The following RNF152 variants were observed in gnomAD, a reference collection of about 807,000 sequenced individuals.
The protein encoded by RNF152 is E3 ubiquitin-protein ligase RNF152.
RNF152 carries 11 observed loss-of-function variants against 12.7 expected under a neutral mutation model. That is an observed-to-expected ratio of 0.86 (90% confidence interval 0.54 to 1.43). RNF152 has a LOEUF of 1.43. Among genes scored for constraint, RNF152 ranks in the 40% most tolerant of loss-of-function variants. The pLI, the probability that RNF152 is intolerant of heterozygous loss-of-function variation, is 0.00. For synonymous variants in RNF152, 113 were observed against 120.3 expected, an observed-to-expected ratio of 0.94 and a Z score of 0.40; for missense variants, 255 against 274.8, an observed-to-expected ratio of 0.93 and a Z score of 0.51.
At chr18:61,817,645 T>A (rs1175060775) in intron 1 of RNF152, among the ~76,000 whole-genome samples, 1 of 151,670 alleles carries the variant, frequency 6.6e-6, no homozygotes, top group African/African-American at 2.4e-5. Flanking sequence ...ACCAATGCCC[T>A]CAGATAGAGA....
intron 1 of RNF152, among the ~76,000 whole-genome samples, chr18:61,873,927 T>G (rs1364274653): frequency 1.3e-5 from 2 of 152,190 alleles, no homozygotes; most frequent in African/African-American, 2.4e-5. Flanking sequence ...GAAATTTTAT[T>G]AGTAAACAAA....
chr18:61,823,925 A>T (rs577027964), intron 1 of RNF152, among the ~76,000 whole-genome samples: 1 of 152,348 alleles, frequency 6.6e-6, no homozygotes, highest in South Asian at 2.1e-4. Flanking sequence ...CTGCTAGGGC[A>T]TGTGCCAATT....
intron 1 of RNF152, among the ~76,000 whole-genome samples, chr18:61,883,657 C>T (rs1912564890): frequency 6.6e-6 from 1 of 152,148 alleles, no homozygotes; most frequent in Non-Finnish European, 1.5e-5. Context: ...TGCTCTTAGT[C>T]ATGGGCAAGT....
chr18:61,864,885 T>C (rs1224441012), intron 1 of RNF152, among the ~76,000 whole-genome samples: 1 of 152,198 alleles, frequency 6.6e-6, no homozygotes, highest in Admixed American at 6.5e-5. Flanking sequence ...CCAGGCGTGG[T>C]GGCGCGTGCC....
intron 1 of RNF152, among the ~76,000 whole-genome samples, chr18:61,840,635 G>A (rs1910410094): frequency 6.6e-6 from 1 of 152,124 alleles, no homozygotes; most frequent in Non-Finnish European, 1.5e-5. Context: ...CCTGCACCTT[G>A]CACAATTCCC....
intron 1 of RNF152, among the ~76,000 whole-genome samples, chr18:61,882,778 A>AC (rs1217575960): frequency 6.6e-6 from 1 of 151,986 alleles, no homozygotes; most frequent in Non-Finnish European, 1.5e-5. Context: ...TCCCTTCCCA[A>AC]CCCCCACTTG....
At chr18:61,851,718 T>C (rs56288246) in intron 1 of RNF152, among the ~76,000 whole-genome samples, 46,612 of 152,122 alleles carry the variant, frequency 0.31, 7,425 homozygotes, top group Non-Finnish European at 0.35. Flanking sequence ...TTTCCATTTA[T>C]AGTTGAGAAA....
intron 1 of RNF152, among the ~76,000 whole-genome samples, chr18:61,830,415 C>T (rs1290792822): frequency 6.6e-6 from 1 of 152,162 alleles, no homozygotes; most frequent in Non-Finnish European, 1.5e-5. Context: ...CCCTGCTAAC[C>T]GGTCACCTTT....
At chr18:61,883,837 G>T (rs1182980730) in intron 1 of RNF152, among the ~76,000 whole-genome samples, 1 of 152,154 alleles carries the variant, frequency 6.6e-6, no homozygotes. Flanking sequence ...TCCTCCAGTT[G>T]CTTCCAGCTT....
At chr18:61,825,731 C>T (rs1448008376) in intron 1 of RNF152, among the ~76,000 whole-genome samples, 1 of 152,148 alleles carries the variant, frequency 6.6e-6, no homozygotes, top group East Asian at 1.9e-4. Context: ...GAGCAAAGGT[C>T]TCTCTCTGCT....
chr18:61,873,286 G>A (rs552643158), intron 1 of RNF152, among the ~76,000 whole-genome samples: 1 of 152,184 alleles, frequency 6.6e-6, no homozygotes, highest in African/African-American at 2.4e-5. Context: ...ACAAATATCA[G>A]AGATATTTAA....
In RNF152 at chr18:61,810,182, T is replaced by C. The variant is rs1912900651; in HGVS notation, c.*5670A>G. On this transcript the variant is annotated 3_prime_UTR_variant, in exon 2 of 2. Coordinates refer to ENST00000312828, the MANE Select transcript of RNF152 (RefSeq NM_173557.3). ...CATAGCAACAGTTAAGAAATTAGCATCTAATCCAATATTGTATAACTCACA... is the reference window on the plus strand; with the variant it reads ...CATAGCAACAGTTAAGAAATTAGCACCTAATCCAATATTGTATAACTCACA... The C allele has an allele frequency of 6.6e-6, 1 of 152,234 alleles. No homozygotes were observed. Among genetic ancestry groups the C allele is most frequent in the Non-Finnish European group, 1.5e-5 (1 of 68,042 alleles). The allele number at this position is 152,234 out of a possible 1,614,324, so 9.4% of individuals were successfully genotyped here.
chr18:61,884,734 CT>C (rs1343957556), intron 1 of RNF152, among the ~76,000 whole-genome samples: 1 of 152,080 alleles, frequency 6.6e-6, no homozygotes, highest in Non-Finnish European at 1.5e-5. Context: ...TAATTTGTAT[CT>C]TTTAGTAGAG....
intron 1 of RNF152, among the ~76,000 whole-genome samples, chr18:61,836,896 A>G (rs576578526): frequency 6.6e-6 from 1 of 152,376 alleles, no homozygotes; most frequent in African/African-American, 2.4e-5. Context: ...AATCATCAAT[A>G]GATGCTAAAA....
intron 1 of RNF152, among the ~76,000 whole-genome samples, chr18:61,833,286 T>C (rs368110873): frequency 1.3e-5 from 2 of 152,320 alleles, no homozygotes; most frequent in African/African-American, 4.8e-5. Context: ...CCAGTCTATT[T>C]CAGAAAATAA....
intron 1 of RNF152, among the ~76,000 whole-genome samples, chr18:61,818,884 C>A (rs182786228): frequency 6.6e-6 from 1 of 152,166 alleles, no homozygotes; most frequent in Admixed American, 6.5e-5. Context: ...AAAGTCCTGG[C>A]CTAGAGATGG....
intron 1 of RNF152, among the ~76,000 whole-genome samples, chr18:61,839,818 C>T (rs530980208): frequency 6.6e-6 from 1 of 152,260 alleles, no homozygotes; most frequent in African/African-American, 2.4e-5. Flanking sequence ...TGGCATGAAC[C>T]CGGGAGGCAG....
In RNF152 at chr18:61,813,863, G is replaced by C. The variant is rs1392649449; in HGVS notation, c.*1989C>G. 2.0e-5 allele frequency: 3 copies of C among 152,174 alleles called. No homozygotes were observed. In the East Asian group the frequency reaches 5.8e-4, roughly 29 times the overall value. 9.4% of individuals were successfully genotyped at this position (152,174 alleles called of 1,614,324 possible). On this transcript the variant is annotated 3_prime_UTR_variant, in exon 2 of 2. Transcript: ENST00000312828. ...ACATGCATTATGGCAGCCTGGGAGAGTTTGAGAAATTGACACTAACCCAAC... is the reference window on the plus strand; with the variant it reads ...ACATGCATTATGGCAGCCTGGGAGACTTTGAGAAATTGACACTAACCCAAC...
At chr18:61,877,199 A>T (rs190384970) in intron 1 of RNF152, among the ~76,000 whole-genome samples, 2 of 152,346 alleles carry the variant, frequency 1.3e-5, no homozygotes, top group Admixed American at 1.3e-4. Flanking sequence ...CATTTGACTT[A>T]CGTATTTTGG....
Sources: allele counts gnomAD v4.1 joint callset (sites outside exome capture counted in the v4.1 genomes callset), GRCh38; gene constraint gnomAD v4.1.1; transcripts MANE v1.5; gene names NCBI Gene and HGNC (gene_info 2026-07-23, HGNC 2026-07-21).